ARID1B: variants seen among roughly 807,000 people sequenced by gnomAD.
ARID1B encodes the protein AT-rich interaction domain 1B, also known as AT-rich interactive domain-containing protein 1B.
ARID1B carries 30 observed loss-of-function variants against 212.3 expected under a neutral mutation model. That is an observed-to-expected ratio of 0.14 (90% confidence interval 0.11 to 0.19). The LOEUF is 0.19. Among genes scored for constraint, ARID1B ranks in the 10% least tolerant of loss-of-function variants. The pLI, the probability that ARID1B is intolerant of heterozygous loss-of-function variation, is 1.00. For synonymous variants in ARID1B, 1,402 were observed against 1,301.7 expected, an observed-to-expected ratio of 1.08 and a Z score of -1.66; for missense variants, 2,891 against 3,204.0, an observed-to-expected ratio of 0.90 and a Z score of 2.36.
chr6:157,063,486 G>T (rs932102392), intron 4 of ARID1B, among the ~76,000 whole-genome samples: 9 of 152,102 alleles, frequency 5.9e-5, no homozygotes, highest in Non-Finnish European at 5.9e-5. Flanking sequence ...TTCCTCCTCT[G>T]TTAGATTTTT....
chr6:156,976,972 A>T lies in ARID1B; in HGVS notation c.2247+41396A>T. The T allele has an allele frequency of 2.4e-5, 13 of 531,986 alleles. 2 individuals are homozygous for T. Among genetic ancestry groups the T allele is most frequent in the South Asian group, 1.7e-4 (12 of 70,884 alleles). 33.0% of individuals were successfully genotyped at this position (531,986 alleles called of 1,614,324 possible). A position where few individuals can be genotyped will look rare whatever the true frequency, so the allele number is the denominator to read the frequency against. ...CAGAATAATCTGCTTCCATCCTGCCAGTTTGGTTTCATTGCACTGACAACC... is the reference window on the plus strand; with the variant it reads ...CAGAATAATCTGCTTCCATCCTGCCTGTTTGGTTTCATTGCACTGACAACC... On this transcript the variant is annotated intron_variant, in intron 4 of 19. Transcript: ENST00000636930.
chr6:156,918,786 A>G (rs1201739810), intron 3 of ARID1B, among the ~76,000 whole-genome samples: 1 of 152,146 alleles, frequency 6.6e-6, no homozygotes, highest in Non-Finnish European at 1.5e-5. Context: ...GTGGGGTTAG[A>G]TAGGCTGCAG....
chr6:157,175,880 A>G (rs1413219581), intron 11 of ARID1B: 3 of 152,218 alleles, frequency 2.0e-5, no homozygotes, highest in South Asian at 4.1e-4. Flanking sequence ...AAAAAAAACA[A>G]CATGCAATTA....
At position 156,778,998 on chromosome 6, in the gene ARID1B, G is replaced by T. The variant is rs993453560; in HGVS notation, c.1318G>T (p.Gly440Cys). 1.6e-6 allele frequency: 2 copies of T among 1,269,882 alleles called. No homozygotes were observed. Among genetic ancestry groups the T allele is most frequent in the African/African-American group, 1.6e-5 (1 of 63,162 alleles). The allele number at this position is 1,269,882 out of a possible 1,614,324, so 78.7% of individuals were successfully genotyped here. Residue 440 changes from glycine to cysteine, a missense_variant, in exon 1 of 20, where the codon GGC (glycine) becomes TGC (cysteine). Coordinates refer to ENST00000636930, the MANE Select transcript of ARID1B (RefSeq NM_001374828.1). ...AGCAGCAGGAGGCGGCGGCGGCGGC[G>T]GCTATGGGGGCTCGTCCGCGGGGTA... Reference protein sequence around the residue: ...AAAAGGGGGGGYGGSSAGYGV... With the variant: ...AAAAGGGGGGCYGGSSAGYGV...
intron 4 of ARID1B, among the ~76,000 whole-genome samples, chr6:156,975,613 C>CTTTTTTTTT (rs367797338): frequency 6.3e-5 from 7 of 110,854 alleles, no homozygotes; most frequent in African/African-American, 2.1e-4. Context: ...TTTTTTTTTT[C>CTTTTTTTTT]TTTTTTTTTT....
intron 4 of ARID1B, among the ~76,000 whole-genome samples, chr6:157,025,770 C>T (rs1307148905): frequency 6.6e-6 from 1 of 152,180 alleles, no homozygotes; most frequent in Admixed American, 6.5e-5. Flanking sequence ...CCTCCCTAAA[C>T]ACTCTCATAT....
At chr6:156,863,745 T>C (rs1044369595) in intron 2 of ARID1B, among the ~76,000 whole-genome samples, 1 of 152,204 alleles carries the variant, frequency 6.6e-6, no homozygotes, top group Non-Finnish European at 1.5e-5. Flanking sequence ...TCTTGATTAA[T>C]TGAGCAATTG....
At chr6:157,028,604 C>T (rs1000959420) in intron 4 of ARID1B, among the ~76,000 whole-genome samples, 16 of 152,092 alleles carry the variant, frequency 1.1e-4, no homozygotes, top group African/African-American at 1.9e-4. Flanking sequence ...TTTTGATAAA[C>T]GCTGGAAGTA....
At chr6:156,954,961 C>T (rs1430658931) in intron 4 of ARID1B, among the ~76,000 whole-genome samples, 2 of 152,246 alleles carry the variant, frequency 1.3e-5, no homozygotes, top group Non-Finnish European at 2.9e-5. Flanking sequence ...GGCCACCTGG[C>T]CCGCTTTGTG....
intron 18 of ARID1B, among the ~76,000 whole-genome samples, chr6:157,202,712 T>C (rs901076019): frequency 6.6e-6 from 1 of 150,906 alleles, no homozygotes; most frequent in African/African-American, 2.4e-5. Context: ...AATGCATGTG[T>C]ATCTATATCC....
chr6:156,910,832 A>G (rs1258184938), intron 3 of ARID1B, among the ~76,000 whole-genome samples: 1 of 152,196 alleles, frequency 6.6e-6, no homozygotes, highest in South Asian at 2.1e-4. Context: ...ATACCTTCTC[A>G]TTGTTTGAAT....
chr6:156,781,521 A>G (rs1364998908), intron 1 of ARID1B, among the ~76,000 whole-genome samples: 1 of 152,164 alleles, frequency 6.6e-6, no homozygotes. Flanking sequence ...GAGGTATTTT[A>G]ACAATAATCA....
At chr6:156,866,767 T>C (rs1184535294) in intron 2 of ARID1B, among the ~76,000 whole-genome samples, 1 of 152,242 alleles carries the variant, frequency 6.6e-6, no homozygotes, top group Non-Finnish European at 1.5e-5. Context: ...GGTTACTGTC[T>C]GTCTAATACA....
chr6:157,103,996 C>T (rs1374298118), intron 5 of ARID1B, among the ~76,000 whole-genome samples: 2 of 151,960 alleles, frequency 1.3e-5, no homozygotes, highest in Admixed American at 6.6e-5. Context: ...CCACCATGCC[C>T]GGCTAATTTT....
intron 1 of ARID1B, among the ~76,000 whole-genome samples, chr6:156,827,056 A>G (rs559057271): frequency 3.5e-4 from 53 of 152,232 alleles, no homozygotes; most frequent in South Asian, 1.4e-3. Flanking sequence ...ACACTGTTCA[A>G]CTTATGCCCT....
chr6:156,896,172 G>A (rs926072711), intron 2 of ARID1B, among the ~76,000 whole-genome samples: 1 of 152,194 alleles, frequency 6.6e-6, no homozygotes, highest in African/African-American at 2.4e-5. Context: ...AGACAGGACT[G>A]CATTGAATAT....
intron 2 of ARID1B, among the ~76,000 whole-genome samples, chr6:156,865,215 T>C (rs1785597550): frequency 6.6e-6 from 1 of 152,218 alleles, no homozygotes; most frequent in Non-Finnish European, 1.5e-5. Context: ...TGTGTCTTTC[T>C]TGTTTTGGTG....
chr6:157,035,686 T>C (rs2128504907), intron 4 of ARID1B, among the ~76,000 whole-genome samples: 1 of 152,380 alleles, frequency 6.6e-6, no homozygotes, highest in South Asian at 2.1e-4. Flanking sequence ...TGGTTTTCTA[T>C]GAAAACGAGG....
Position 157,201,592 on chromosome 6 carries a change from A to G in ARID1B, c.5263+104A>G. On this transcript the variant is annotated intron_variant, in intron 18 of 19. Coordinates refer to ENST00000636930, the MANE Select transcript of ARID1B (RefSeq NM_001374828.1). This position sits in a 1 kb window ranked among gnomAD's most constrained non-coding sequence, Gnocchi z 5.2. ...CTGCTCATCTTAAAGGGATGAAAAA[A>G]TTATGACTAGAAGTTATCAAGATGC... is the stretch of plus-strand genomic sequence containing the variant. 2.3e-6 allele frequency: 3 copies of G among 1,307,858 alleles called. No homozygotes were observed. The highest frequency in any genetic ancestry group is 1.7e-5 in the South Asian group (1 of 57,890). The allele number at this position is 1,307,858 out of a possible 1,614,324, so 81.0% of individuals were successfully genotyped here.
Sources: allele counts gnomAD v4.1 joint callset (sites outside exome capture counted in the v4.1 genomes callset), GRCh38; gene constraint gnomAD v4.1.1; non-coding constraint Gnocchi (gnomAD v3.1); transcripts MANE v1.5; gene names NCBI Gene and HGNC (gene_info 2026-07-23, HGNC 2026-07-21).